Variants in BRSK2 observed in about 807,000 individuals in gnomAD.
BRSK2 encodes the protein serine/threonine-protein kinase BRSK2.
A neutral mutation model predicts 83.3 loss-of-function variants in BRSK2; 19 were observed. The observed-to-expected ratio is 0.23, with a 90% confidence interval of 0.16 to 0.33. BRSK2 has a LOEUF of 0.33. BRSK2 is among the 10% of genes least tolerant of loss of function. The probability of loss-of-function intolerance (pLI) is 1.00; values close to 1 mark genes in which losing one functional copy is unlikely to be tolerated. For synonymous variants in BRSK2, 519 were observed against 435.4 expected (o/e 1.19, Z -2.39); for missense variants, 798 against 1,042.3 (o/e 0.77, Z 3.23).
chr11:1,394,365 G>A (rs888654502), intron 1 of BRSK2, among the ~76,000 whole-genome samples: 43 of 95,532 alleles, frequency 4.5e-4, no homozygotes, highest in Middle Eastern at 6.0e-3. Flanking sequence ...TCCTGGAGAT[G>A]GGCCATGGAG....
At chr11:1,428,669 G>T (rs72843223) in intron 1 of BRSK2, among the ~76,000 whole-genome samples, 15,646 of 152,304 alleles carry the variant, frequency 0.1, 1,079 homozygotes, top group Admixed American at 0.2. Context: ...GCAGGATTGT[G>T]CTCTCCACAC....
chr11:1,458,433 C>T (rs1462064010), intron 18 of BRSK2, among the ~76,000 whole-genome samples: 3 of 152,136 alleles, frequency 2.0e-5, no homozygotes, highest in South Asian at 2.1e-4. Flanking sequence ...CCCGTGATCT[C>T]GCTACGCCCA....
chr11:1,408,162 C>G (rs951558414), intron 1 of BRSK2, among the ~76,000 whole-genome samples: 1 of 152,244 alleles, frequency 6.6e-6, no homozygotes. Flanking sequence ...GGCCTGGCCT[C>G]GGGCCCCAGC....
chr11:1,396,035 C>T (rs1473740500), intron 1 of BRSK2, among the ~76,000 whole-genome samples: 1 of 152,194 alleles, frequency 6.6e-6, no homozygotes, highest in African/African-American at 2.4e-5. Context: ...GGCTCCTGCC[C>T]ACGACCCAAG....
At chr11:1,428,175 C>CTTTACCTGAGGCTGCGTCTTTACCCA (rs1564829412) in intron 1 of BRSK2, among the ~76,000 whole-genome samples, 6 of 152,136 alleles carry the variant, frequency 3.9e-5, no homozygotes. Context: ...CCTGCTGCGT[C>CTTTACCTGAGGCTGCGTCTTTACCCA]GTGGCTGCCT....
intron 3 of BRSK2, 107 bp from the exon 4 acceptor site, chr11:1,440,681 G>T: frequency 7.1e-7 from 1 of 1,408,058 alleles, no homozygotes; most frequent in East Asian, 2.5e-5. Flanking sequence ...GAGGATGGGG[G>T]CGGCCTGCAG....
rs974396283 is a variant in BRSK2, at chr11:1,454,385, C to T, written c.1545-100C>T. The T allele has an allele frequency of 1.2e-5, 17 of 1,389,324 alleles. No homozygotes were observed. Among genetic ancestry groups the T allele is most frequent in the South Asian group, 3.7e-5 (3 of 80,748 alleles). The allele number at this position is 1,389,324 out of a possible 1,614,324, so 86.1% of individuals were successfully genotyped here. ...GGAGACAGCCGTTTCTATCACGAAG[C>T]GATGGAAGATTCCGCCGTTCCAACC... On this transcript the variant is annotated intron_variant, in intron 15 of 19. Coordinates refer to ENST00000528841, the MANE Select transcript of BRSK2 (RefSeq NM_001256627.2). The surrounding 1 kb of genome is among the most constrained non-coding windows in gnomAD (Gnocchi z 5.2).
chr11:1,461,289 C>G lies in BRSK2; in HGVS notation c.*566C>G. ...GCAACGTAGCCACAGGAACAGGCCC[C>G]GTCCACCGCCTCCACGCCGCACCTG... On this transcript the variant is annotated 3_prime_UTR_variant, in exon 20 of 20. Coordinates refer to ENST00000528841, the MANE Select transcript of BRSK2 (RefSeq NM_001256627.2). The G allele has an allele frequency of 6.2e-6, 3 of 487,446 alleles. No homozygotes were observed. The highest frequency in any genetic ancestry group is 2.4e-5 in the South Asian group (1 of 42,012). 30.2% of individuals were successfully genotyped at this position (487,446 alleles called of 1,614,324 possible).
chr11:1,417,274 G>A (rs1848190241), intron 1 of BRSK2, among the ~76,000 whole-genome samples: 1 of 152,234 alleles, frequency 6.6e-6, no homozygotes, highest in Non-Finnish European at 1.5e-5. Flanking sequence ...CTGACATGCT[G>A]TGAGGTCTCC....
chr11:1,457,419 T>G lies in BRSK2; in HGVS notation c.1939+732T>G, dbSNP rs761594729. On this transcript the variant is annotated intron_variant, in intron 18 of 19. Coordinates refer to ENST00000528841, the MANE Select transcript of BRSK2 (RefSeq NM_001256627.2). The stretch of plus-strand genomic sequence containing the variant: ...CCTGATGGGCTCACACAGGGGAGGG[T>G]TGCCCCAGCCTGGAACCACCAGGGT... Among the ~76,000 whole-genome samples the G allele has an allele frequency of 1.0e-3, 151 of 150,872 alleles. 1 individual carries two copies. The highest frequency in any genetic ancestry group is 9.2e-4 in the Admixed American group (14 of 15,198).
In BRSK2 at chr11:1,454,323, C is replaced by T. The variant is rs1455290228; in HGVS notation, c.1545-162C>T. 3.1e-5 allele frequency: 24 copies of T among 782,380 alleles called. No homozygotes were observed. Among genetic ancestry groups the T allele is most frequent in the Non-Finnish European group, 4.2e-5 (20 of 477,764 alleles). 48.5% of individuals were successfully genotyped at this position (782,380 alleles called of 1,614,324 possible). A position where few individuals can be genotyped will look rare whatever the true frequency, so the allele number is the denominator to read the frequency against. ...CAGGGCATATGGGCTAGGGTTAGGG[C>T]GTTGGGGTCAGGGCCATGGGTTCTG... On this transcript the variant is annotated intron_variant, in intron 15 of 19. Coordinates refer to ENST00000528841, the MANE Select transcript of BRSK2 (RefSeq NM_001256627.2). This position sits in a 1 kb window ranked among gnomAD's most constrained non-coding sequence, Gnocchi z 5.2.
At chr11:1,416,362 C>T (rs925148747) in intron 1 of BRSK2, among the ~76,000 whole-genome samples, 1 of 152,152 alleles carries the variant, frequency 6.6e-6, no homozygotes, top group Non-Finnish European at 1.5e-5. Flanking sequence ...TCCGCAAAAT[C>T]CGCTGTTTTG....
Position 1,442,473 on chromosome 11 carries a change from A to G in BRSK2, c.414-17A>G, listed in dbSNP as rs766429761. 8.7e-6 allele frequency: 14 copies of G among 1,603,686 alleles called. No homozygotes were observed. In the Admixed American group the frequency reaches 2.3e-4, roughly 27 times the overall value. On this transcript the variant is annotated splice_polypyrimidine_tract_variant and intron_variant, in intron 4 of 19. Transcript: ENST00000528841. The stretch of plus-strand genomic sequence containing the variant: ...GCAGAGACTGGCCCTGTTCAGCCTC[A>G]CCACCCTCCTCCCCAGCCACAGGGA...
rs1372946010 is a variant in BRSK2, at chr11:1,423,964, A to G, written c.92-12076A>G. Among the ~76,000 whole-genome samples the G allele has an allele frequency of 6.6e-6, 1 of 151,610 alleles. No homozygotes were observed. The highest frequency in any genetic ancestry group is 1.5e-5 in the Non-Finnish European group (1 of 67,936). The stretch of plus-strand genomic sequence containing the variant: ...CCACACTTTCCTCGGCCTTTCTCTG[A>G]TAGGAAGGCTGGTAGTTGGGTTTAG... On this transcript the variant is annotated intron_variant, in intron 1 of 19. Transcript: ENST00000528841. This position sits in a 1 kb window ranked among gnomAD's most constrained non-coding sequence, Gnocchi z 6.5.
At chr11:1,455,305 CCCCCCACCCGCCT>C (rs1432185969) in intron 16 of BRSK2, among the ~76,000 whole-genome samples, 1 of 132,892 alleles carries the variant, frequency 7.5e-6, no homozygotes, top group Non-Finnish European at 1.6e-5. Flanking sequence ...ACAGGGGCTG[CCCCCCACCCGCCT>C]CCCCCACCGC....
intron 2 of BRSK2, among the ~76,000 whole-genome samples, chr11:1,437,379 G>A (rs373739225): frequency 1.3e-5 from 2 of 152,328 alleles, no homozygotes; most frequent in East Asian, 3.9e-4. Flanking sequence ...GGGACCCCAG[G>A]CCGTGGCCTC....
intron 1 of BRSK2, chr11:1,411,664 C>A (rs1335634338): frequency 2.6e-6 from 4 of 1,533,264 alleles, no homozygotes; most frequent in Non-Finnish European, 3.5e-6. Flanking sequence ...CTGGCCAGGG[C>A]CCCTCGAGGG....
In BRSK2 at chr11:1,436,154, G is replaced by A; in HGVS notation, c.186+20G>A. The stretch of plus-strand genomic sequence containing the variant: ...ATGAAGGTGGGTGGGGCCGGGGAGG[G>A]AGGCGGGGCCGGCGGTGGGGTGGGG... On this transcript the variant is annotated intron_variant, in intron 2 of 19. Transcript: ENST00000528841. 1 of 842,734 alleles carries A rather than the reference G, an allele frequency of 1.2e-6. No homozygotes were observed. The highest frequency in any genetic ancestry group is 1.7e-6 in the Non-Finnish European group (1 of 572,462). 52.2% of individuals were successfully genotyped at this position (842,734 alleles called of 1,614,324 possible). A position where few individuals can be genotyped will look rare whatever the true frequency, so the allele number is the denominator to read the frequency against.
In BRSK2 at chr11:1,412,511, A is replaced by G. The variant is rs570963105; in HGVS notation, c.91+22136A>G. Among the ~76,000 whole-genome samples, 2 of 55,672 alleles carry G rather than the reference A, an allele frequency of 3.6e-5. 1 individual carries two copies. The highest frequency in any genetic ancestry group is 3.2e-4 in the Admixed American group (2 of 6,294). The allele number at this position is 55,672 out of a possible 152,430, so 36.5% of individuals were successfully genotyped here. A position where few individuals can be genotyped will look rare whatever the true frequency, so the allele number is the denominator to read the frequency against. Reference sequence around the variant, plus strand: ...GTGCTGCCCCGTCCTGTGATTGGTGAACTCTGAGCTGTGCTGCTCTGTCCT... The same window carrying G: ...GTGCTGCCCCGTCCTGTGATTGGTGGACTCTGAGCTGTGCTGCTCTGTCCT... On this transcript the variant is annotated intron_variant, in intron 1 of 19. Coordinates refer to ENST00000528841, the MANE Select transcript of BRSK2 (RefSeq NM_001256627.2).
Sources: allele counts gnomAD v4.1 joint callset (sites outside exome capture counted in the v4.1 genomes callset), GRCh38; gene constraint gnomAD v4.1.1; non-coding constraint Gnocchi (gnomAD v3.1); transcripts MANE v1.5; gene names NCBI Gene and HGNC (gene_info 2026-07-23, HGNC 2026-07-21).